KCNJ6: variants seen among roughly 807,000 people sequenced by gnomAD.
KCNJ6 encodes G protein-activated inward rectifier potassium channel 2.
KCNJ6 carries 9 observed loss-of-function variants against 34.2 expected under a neutral mutation model. That is an observed-to-expected ratio of 0.26 (90% CI 0.16 to 0.46). The LOEUF is 0.46. Among genes scored for constraint, KCNJ6 ranks in the 20% least tolerant of loss-of-function variants. The probability of loss-of-function intolerance (pLI) is 1.00; values close to 1 mark genes in which losing one functional copy is unlikely to be tolerated. For missense variants in KCNJ6, 236 were observed against 531.3 expected (o/e 0.44, Z 5.46); for synonymous variants, 196 against 207.1 (o/e 0.95, Z 0.46).
chr21:37,698,839 T>C (rs1192314975), intron 3 of KCNJ6, among the ~76,000 whole-genome samples: 1 of 152,082 alleles, frequency 6.6e-6, no homozygotes, highest in East Asian at 1.9e-4. Context: ...TGGGATTATA[T>C]GTGTGTGCCA....
intron 2 of KCNJ6, among the ~76,000 whole-genome samples, chr21:37,762,220 C>T (rs1292044766): frequency 3.3e-5 from 5 of 152,098 alleles, no homozygotes; most frequent in Admixed American, 6.5e-5. Flanking sequence ...CCTCTGGCTC[C>T]CTGAGGAGTG....
chr21:37,624,189 T>C lies in KCNJ6; in HGVS notation c.*970A>G, dbSNP rs1012742466. ...AGGCCAGTTAGTGAGGCCCTTGTTA[T>C]CTTTTAAAAAAAGACATCTGTTTTG... On this transcript the variant is annotated 3_prime_UTR_variant, in exon 4 of 4. Coordinates refer to ENST00000609713, the MANE Select transcript of KCNJ6 (RefSeq NM_002240.5). 2 of 152,192 alleles carry C rather than the reference T, an allele frequency of 1.3e-5. No individual in the cohort carries two copies. The highest frequency in any genetic ancestry group is 2.9e-5 in the Non-Finnish European group (2 of 68,034). The allele number at this position is 152,192 out of a possible 1,614,324, so 9.4% of individuals were successfully genotyped here. A position where few individuals can be genotyped will look rare whatever the true frequency, so the allele number is the denominator to read the frequency against.
chr21:37,661,382 A>C (rs2054487323), intron 3 of KCNJ6, among the ~76,000 whole-genome samples: 1 of 152,198 alleles, frequency 6.6e-6, no homozygotes, highest in Non-Finnish European at 1.5e-5. Flanking sequence ...GTGATTTTTA[A>C]TAACAAATGA....
intron 1 of KCNJ6, among the ~76,000 whole-genome samples, chr21:37,844,428 C>T (rs2055496491): frequency 6.6e-6 from 1 of 152,108 alleles, no homozygotes; most frequent in African/African-American, 2.4e-5. Flanking sequence ...TTGCCTCCAC[C>T]TGCTTGGAGC....
In KCNJ6 at chr21:37,649,157, A is replaced by AAAAAAAAAAC. The variant is rs755535850; in HGVS notation, c.947-23674_947-23673insGTTTTTTTTT. Among the ~76,000 whole-genome samples the AAAAAAAAAAC allele has an allele frequency of 1.4e-4, 19 of 134,014 alleles. 3 individuals are homozygous for AAAAAAAAAAC. Among genetic ancestry groups the AAAAAAAAAAC allele is most frequent in the East Asian group, 7.4e-4 (3 of 4,056 alleles). 87.9% of individuals were successfully genotyped at this position (134,014 alleles called of 152,430 possible). ...CAAAAAAAAAAAAAAAAAAAAAAGA[A>AAAAAAAAAAC]AGAAAAAGAAAGGGAGTTTATAAAT... On this transcript the variant is annotated intron_variant, in intron 3 of 3. Coordinates refer to ENST00000609713, the MANE Select transcript of KCNJ6 (RefSeq NM_002240.5).
intron 3 of KCNJ6, among the ~76,000 whole-genome samples, chr21:37,712,019 C>G (rs1417339087): frequency 2.0e-5 from 3 of 152,196 alleles, no homozygotes. Flanking sequence ...TCACTCATTA[C>G]CAGCTGTCAT....
chr21:37,752,986 A>G (rs1274952245), intron 2 of KCNJ6, among the ~76,000 whole-genome samples: 1 of 152,212 alleles, frequency 6.6e-6, no homozygotes, highest in Non-Finnish European at 1.5e-5. Context: ...AAAGTGAGAG[A>G]AAAGACAAGG....
intron 3 of KCNJ6, among the ~76,000 whole-genome samples, chr21:37,693,059 TA>T (rs147933006): frequency 0.074 from 11,253 of 152,194 alleles, 1,021 homozygotes; most frequent in African/African-American, 0.21. Flanking sequence ...AAGCTTTTAT[TA>T]AAAATGGTTA....
intron 2 of KCNJ6, among the ~76,000 whole-genome samples, chr21:37,756,043 G>C (rs1326555509): frequency 6.6e-6 from 1 of 152,218 alleles, no homozygotes; most frequent in African/African-American, 2.4e-5. Flanking sequence ...AGCTCTTCCA[G>C]GTTCTGTGGA....
At chr21:37,715,194 A>C (rs2054783908) in intron 2 of KCNJ6, 63 bp from the exon 3 acceptor site, 5 of 1,386,958 alleles carry the variant, frequency 3.6e-6, no homozygotes, top group Admixed American at 4.6e-5. Context: ...AGGACAATGG[A>C]ACGGCACACT....
intron 2 of KCNJ6, among the ~76,000 whole-genome samples, chr21:37,830,926 G>A (rs1339765100): frequency 1.3e-5 from 2 of 152,202 alleles, no homozygotes; most frequent in African/African-American, 4.8e-5. Flanking sequence ...ATTCTTATTT[G>A]GAAATGGCCG....
chr21:37,905,198 C>T (rs566689335), intron 1 of KCNJ6, among the ~76,000 whole-genome samples: 2 of 152,350 alleles, frequency 1.3e-5, no homozygotes, highest in South Asian at 2.1e-4. Flanking sequence ...TACTCATTTA[C>T]TGCTTCACAC....
At chr21:37,834,539 G>A (rs1419122678) in intron 2 of KCNJ6, among the ~76,000 whole-genome samples, 1 of 152,226 alleles carries the variant, frequency 6.6e-6, no homozygotes, top group Non-Finnish European at 1.5e-5. Flanking sequence ...TGTTGCGCCT[G>A]GTGCAGGCAG....
At position 37,826,828 on chromosome 21, in the gene KCNJ6, A is replaced by T. The variant is rs145950028; in HGVS notation, c.25+13830T>A. 1.2e-3 allele frequency among the ~76,000 whole-genome samples: 187 copies of T among 152,250 alleles called. 1 individual carries two copies. Among genetic ancestry groups the T allele is most frequent in the African/African-American group, 4.4e-3 (184 of 41,530 alleles). On this transcript the variant is annotated intron_variant, in intron 2 of 3. Transcript: ENST00000609713. ...ACCTTTCCTCTTATTAAAGCCAAGGAAACAGGGTGGGGAACACACACAAGC... is the reference window on the plus strand; with the variant it reads ...ACCTTTCCTCTTATTAAAGCCAAGGTAACAGGGTGGGGAACACACACAAGC...
chr21:37,889,408 T>C (rs987220507), intron 1 of KCNJ6, among the ~76,000 whole-genome samples: 5 of 150,804 alleles, frequency 3.3e-5, no homozygotes, highest in African/African-American at 1.2e-4. Context: ...CAGGCTTTAA[T>C]AGGAGGAGGT....
At chr21:37,731,150 CA>C (rs1482740065) in intron 2 of KCNJ6, among the ~76,000 whole-genome samples, 2 of 150,264 alleles carry the variant, frequency 1.3e-5, no homozygotes, top group African/African-American at 5.0e-5. Context: ...CATGTGTGTA[CA>C]AGGTGAGAAA....
intron 2 of KCNJ6, among the ~76,000 whole-genome samples, chr21:37,766,589 G>A (rs575669163): frequency 1.3e-5 from 2 of 152,320 alleles, no homozygotes; most frequent in Admixed American, 6.5e-5. Flanking sequence ...CACTCTGATG[G>A]GACCCCGGGC....
intron 1 of KCNJ6, among the ~76,000 whole-genome samples, chr21:37,870,727 G>A (rs950613331): frequency 6.6e-6 from 1 of 152,016 alleles, no homozygotes; most frequent in Non-Finnish European, 1.5e-5. Flanking sequence ...ATTTATATTT[G>A]ATGATGTCTA....
At chr21:37,796,792 T>C (rs1238060741) in intron 2 of KCNJ6, among the ~76,000 whole-genome samples, 1 of 133,164 alleles carries the variant, frequency 7.5e-6, no homozygotes, top group East Asian at 2.2e-4. Context: ...TTTTTTTTTT[T>C]TTTTTTTTTT....
Sources: gnomAD v4.1 joint callset for allele counts (sites outside exome capture counted in the v4.1 genomes callset) on GRCh38, gnomAD v4.1.1 for gene constraint, MANE v1.5 for transcripts, NCBI Gene and HGNC (gene_info 2026-07-23, HGNC 2026-07-21) for gene names.